PCDHGA4: variants seen among roughly 807,000 people sequenced by gnomAD.
The protein encoded by PCDHGA4 is protocadherin gamma subfamily A, 4.
PCDHGA4 carries 38 observed loss-of-function variants against 54.6 expected under a neutral mutation model. That is an observed-to-expected ratio of 0.70 (90% CI 0.54 to 0.91). PCDHGA4 has a LOEUF of 0.91. Among genes scored for constraint, PCDHGA4 ranks in the 40% least tolerant of loss-of-function variants. The probability of loss-of-function intolerance (pLI) is 0.00; values close to 1 mark genes in which losing one functional copy is unlikely to be tolerated. For synonymous variants in PCDHGA4, 511 were observed against 512.9 expected, an observed-to-expected ratio of 1.00 and a Z score of 0.05; for missense variants, 1,298 against 1,220.9, an observed-to-expected ratio of 1.06 and a Z score of -0.94.
intron 1 of PCDHGA4, among the ~76,000 whole-genome samples, chr5:141,444,463 G>T (rs570185430): frequency 6.6e-6 from 1 of 152,144 alleles, no homozygotes; most frequent in Admixed American, 6.5e-5. Flanking sequence ...GAGTCACTGC[G>T]CCCGGTCGCG....
At chr5:141,374,266 G>A (rs763355904) in intron 1 of PCDHGA4, 5 of 1,614,016 alleles carry the variant, frequency 3.1e-6, no homozygotes, top group Middle Eastern at 1.7e-4. Context: ...AGTTGGCGGA[G>A]CACGGAGTCC....
chr5:141,357,570 T>C lies in PCDHGA4; in HGVS notation c.2463T>C (p.Pro821=). The C allele has an allele frequency of 6.2e-7, 1 of 1,614,214 alleles. No homozygotes were observed. Among genetic ancestry groups the C allele is most frequent in the Non-Finnish European group, 8.5e-7 (1 of 1,180,036 alleles). The part of the protein sequence containing the change: ...ISRESCEKSE[P]LLITQDLLET... ...GGGAGAGTTGTGAGAAAAGCGAGCC[T>C]CTTCTGATAACTCAGGATTTACTTG... Residue 821 remains proline, a synonymous_variant, in exon 1 of 4, where the codon CCT becomes CCC. Coordinates refer to ENST00000571252, the MANE Select transcript of PCDHGA4 (RefSeq NM_018917.4).
chr5:141,375,160 T>G (rs373409677), intron 1 of PCDHGA4: 1 of 1,613,854 alleles, frequency 6.2e-7, no homozygotes, highest in African/African-American at 1.3e-5. Flanking sequence ...TTGCTGAAAG[T>G]GCACCTCCAG....
At chr5:141,434,080 A>G (rs775751994) in intron 1 of PCDHGA4, among the ~76,000 whole-genome samples, 2 of 152,042 alleles carry the variant, frequency 1.3e-5, no homozygotes, top group Non-Finnish European at 2.9e-5. Flanking sequence ...TCAATTATTT[A>G]TTTTGATGCT....
At chr5:141,442,089 C>A in intron 1 of PCDHGA4, 1 of 170,684 alleles carries the variant, frequency 5.9e-6, no homozygotes, top group South Asian at 1.1e-4. Context: ...CTCGCTACCG[C>A]CACGTCACCA....
intron 1 of PCDHGA4, chr5:141,478,214 C>T (rs1258200424): frequency 6.2e-7 from 1 of 1,614,140 alleles, no homozygotes; most frequent in Admixed American, 1.7e-5. Flanking sequence ...TTCTCTAATC[C>T]TGGTTTCTGT....
At chr5:141,408,838 G>A in intron 1 of PCDHGA4, 1 of 1,613,588 alleles carries the variant, frequency 6.2e-7, no homozygotes, top group African/African-American at 1.3e-5. Flanking sequence ...GCTTGATATT[G>A]ACTGCCTTGG....
At chr5:141,388,085 C>G in intron 1 of PCDHGA4, 1 of 1,363,472 alleles carries the variant, frequency 7.3e-7, no homozygotes, top group Non-Finnish European at 1.0e-6. Context: ...GAAAACTGCG[C>G]GTCAGTTCGG....
At position 141,476,676 on chromosome 5, in the gene PCDHGA4, G is replaced by A. The variant is rs753538822; in HGVS notation, c.2515-18131G>A. The A allele has an allele frequency of 6.2e-7, 1 of 1,614,222 alleles. No individual in the cohort carries two copies. The highest frequency in any genetic ancestry group is 8.5e-7 in the Non-Finnish European group (1 of 1,180,054). On this transcript the variant is annotated intron_variant, in intron 1 of 3. Transcript: ENST00000571252. The surrounding 1 kb of genome is among the most constrained non-coding windows in gnomAD (Gnocchi z 7.6). ...TACTTTGCGCTTCGCGTGCAGACGC[G>A]GGAGGACAGCACCAAGTACGCGGAG...
intron 1 of PCDHGA4, among the ~76,000 whole-genome samples, chr5:141,447,234 G>T (rs534523483): frequency 9.9e-4 from 150 of 152,170 alleles, no homozygotes; most frequent in Non-Finnish European, 1.8e-3. Flanking sequence ...CCGCCTCCCG[G>T]GTTCAAGTGA....
intron 1 of PCDHGA4, chr5:141,370,885 T>C: frequency 9.9e-6 from 16 of 1,613,994 alleles, no homozygotes; most frequent in Non-Finnish European, 1.4e-5. Context: ...GATGTAGGTG[T>C]CAATTCGCTG....
At chr5:141,394,859 C>G in intron 1 of PCDHGA4, 4 of 1,613,758 alleles carry the variant, frequency 2.5e-6, no homozygotes, top group Non-Finnish European at 3.4e-6. Flanking sequence ...AGCCTTCGGT[C>G]GACCCGAACG....
At chr5:141,453,852 T>A (rs905734700) in intron 1 of PCDHGA4, among the ~76,000 whole-genome samples, 5 of 152,164 alleles carry the variant, frequency 3.3e-5, no homozygotes, top group African/African-American at 1.2e-4. Context: ...ACAGAGCACT[T>A]TGAAAATAAC....
At chr5:141,402,392 C>A (rs1271100750) in intron 1 of PCDHGA4, among the ~76,000 whole-genome samples, 1 of 151,714 alleles carries the variant, frequency 6.6e-6, no homozygotes, top group African/African-American at 2.4e-5. Flanking sequence ...AAAATTACTT[C>A]AGAAAATTGT....
chr5:141,452,533 A>G lies in PCDHGA4; in HGVS notation c.2515-42274A>G, dbSNP rs562306062. ...CACACTCCCTCAAAATCGTGAGTTC[A>G]TATTGATACCTCCAGTTCTGGTTCT... On this transcript the variant is annotated intron_variant, in intron 1 of 3. Transcript: ENST00000571252. Among the ~76,000 whole-genome samples the G allele has an allele frequency of 2.0e-5, 3 of 152,328 alleles. No individual in the cohort carries two copies. The East Asian group carries it at 5.8e-4, about 29-fold the overall frequency.
intron 3 of PCDHGA4, among the ~76,000 whole-genome samples, chr5:141,510,624 A>C (rs2099881973): frequency 6.6e-6 from 1 of 152,164 alleles, no homozygotes; most frequent in African/African-American, 2.4e-5. Flanking sequence ...TAAAACCAGA[A>C]GAGGTGGTTA....
In PCDHGA4 at chr5:141,476,432, G is replaced by T; in HGVS notation, c.2515-18375G>T. 6.2e-7 allele frequency: 1 copy of T among 1,614,116 alleles called. No individual in the cohort carries two copies. The highest frequency in any genetic ancestry group is 8.5e-7 in the Non-Finnish European group (1 of 1,180,028). ...GTGTGGGACACTGCCCTCTTGCACT[G>T]TAACTCTGGAGTTGGTAGTGGAGAA... On this transcript the variant is annotated intron_variant, in intron 1 of 3. Coordinates refer to ENST00000571252, the MANE Select transcript of PCDHGA4 (RefSeq NM_018917.4). The surrounding 1 kb of genome is among the most constrained non-coding windows in gnomAD (Gnocchi z 7.6).
At chr5:141,404,387 C>G in intron 1 of PCDHGA4, 3 of 1,613,874 alleles carry the variant, frequency 1.9e-6, no homozygotes, top group Non-Finnish European at 2.5e-6. Context: ...TGCCTATGAC[C>G]CTGATAGCAA....
chr5:141,439,904 C>T (rs1175032042), intron 1 of PCDHGA4: 2 of 152,364 alleles, frequency 1.3e-5, no homozygotes, highest in East Asian at 1.9e-4. Context: ...GCGACTACTG[C>T]CTCCTTTCCT....
Sources: gnomAD v4.1 joint callset for allele counts (sites outside exome capture counted in the v4.1 genomes callset) on GRCh38, gnomAD v4.1.1 for gene constraint, Gnocchi (gnomAD v3.1) non-coding constraint, MANE v1.5 for transcripts, NCBI Gene and HGNC (gene_info 2026-07-23, HGNC 2026-07-21) for gene names.